Variants in PCDHGA1 observed in about 807,000 individuals in gnomAD.
PCDHGA1 encodes the protein protocadherin gamma subfamily A, 1, also known as protocadherin gamma-A1.
A neutral mutation model predicts 58.0 loss-of-function variants in PCDHGA1; 32 were observed. The ratio of observed to expected loss-of-function variants is 0.55; its 90% confidence interval spans 0.42 to 0.74. PCDHGA1 has a LOEUF of 0.74. PCDHGA1 is among the 30% of genes least tolerant of loss of function. The pLI, the probability that PCDHGA1 is intolerant of heterozygous loss-of-function variation, is 0.00. For synonymous variants in PCDHGA1, 498 were observed against 501.1 expected (o/e 0.99, Z 0.08); for missense variants, 1,205 against 1,182.3 (o/e 1.02, Z -0.28).
At chr5:141,366,029 C>G (rs766110369) in intron 1 of PCDHGA1, 1 of 1,614,260 alleles carries the variant, frequency 6.2e-7, no homozygotes, top group Admixed American at 1.7e-5. Flanking sequence ...GTACCCCGCC[C>G]TCCCCACAGA....
At chr5:141,446,595 GCCTCC>G (rs2098508132) in intron 1 of PCDHGA1, among the ~76,000 whole-genome samples, 2 of 152,012 alleles carry the variant, frequency 1.3e-5, no homozygotes, top group South Asian at 4.1e-4. Context: ...TTCTGCCTCA[GCCTCC>G]TGAGTAGCTG....
At chr5:141,336,336 C>G (rs936631282) in intron 1 of PCDHGA1, among the ~76,000 whole-genome samples, 4 of 152,118 alleles carry the variant, frequency 2.6e-5, no homozygotes, top group Non-Finnish European at 4.4e-5. Flanking sequence ...GGCAGTATAA[C>G]AAGACCCAAT....
chr5:141,417,871 C>T (rs1317007566), intron 1 of PCDHGA1: 1 of 1,554,006 alleles, frequency 6.4e-7, no homozygotes, highest in African/African-American at 1.4e-5. Context: ...TGGGAGGGAG[C>T]TGCGCGCAGA....
chr5:141,470,444 A>G (rs970120314), intron 1 of PCDHGA1, among the ~76,000 whole-genome samples: 8 of 152,222 alleles, frequency 5.3e-5, no homozygotes, highest in African/African-American at 1.9e-4. Context: ...ATAATTTAAT[A>G]GCATCTTGAA....
intron 1 of PCDHGA1, chr5:141,371,069 C>T (rs1417206970): frequency 3.1e-6 from 5 of 1,613,908 alleles, no homozygotes; most frequent in South Asian, 1.1e-5. Context: ...GAAGCTGTAC[C>T]ACCCAGATCA....
intron 1 of PCDHGA1, among the ~76,000 whole-genome samples, chr5:141,464,702 G>T (rs934638404): frequency 1.3e-5 from 2 of 151,942 alleles, no homozygotes; most frequent in African/African-American, 2.4e-5. Context: ...TATGAATGAG[G>T]TTAAATAGTT....
chr5:141,352,325 G>T, intron 1 of PCDHGA1: 13 of 1,614,080 alleles, frequency 8.1e-6, no homozygotes, highest in Non-Finnish European at 1.1e-5. Context: ...GTTTTACCTG[G>T]TTGTGGCCTT....
At chr5:141,355,309 G>C (rs764402775) in intron 1 of PCDHGA1, 1 of 1,613,956 alleles carries the variant, frequency 6.2e-7, no homozygotes, top group Middle Eastern at 1.7e-4. Context: ...CTCGGTGTTT[G>C]AGGAGCAGGA....
intron 1 of PCDHGA1, chr5:141,392,764 C>G: frequency 6.8e-7 from 1 of 1,480,722 alleles, no homozygotes; most frequent in Non-Finnish European, 9.0e-7. Flanking sequence ...CTAAATAAGA[C>G]CCATTTATGC....
At chr5:141,355,098 C>T (rs1561507721) in intron 1 of PCDHGA1, 46 of 1,495,826 alleles carry the variant, frequency 3.1e-5, no homozygotes, top group Non-Finnish European at 4.1e-5. Flanking sequence ...CCTGAGAGCT[C>T]TGGCTGTGAA....
chr5:141,389,284 C>A, intron 1 of PCDHGA1: 1 of 1,614,048 alleles, frequency 6.2e-7, no homozygotes, highest in Non-Finnish European at 8.5e-7. Flanking sequence ...CCGCCTGGAG[C>A]CTCTATTTCA....
At chr5:141,414,458 C>T (rs2095749873) in intron 1 of PCDHGA1, 9 of 1,613,698 alleles carry the variant, frequency 5.6e-6, no homozygotes, top group Non-Finnish European at 6.8e-6. Flanking sequence ...ACAGTGACAG[C>T]CACAGATGGG....
In PCDHGA1 at chr5:141,375,951, C is replaced by T. The variant is rs767101939; in HGVS notation, c.2421+42846C>T. 10 of 1,613,526 alleles carry T rather than the reference C, an allele frequency of 6.2e-6. No individual in the cohort carries two copies. The Admixed American group carries it at 1.5e-4, about 24-fold the overall frequency. ...GGACTTTTCTCAGTGGGCCTGCACA[C>T]GGGCGAGGTGCGCACGGCGCGCGCC... On this transcript the variant is annotated intron_variant, in intron 1 of 3. Transcript: ENST00000517417.
intron 1 of PCDHGA1, chr5:141,410,783 T>C (rs2095423369): frequency 1.1e-6 from 1 of 919,042 alleles, no homozygotes; most frequent in East Asian, 2.7e-5. Flanking sequence ...ACTATGTATT[T>C]GGTTCATAAG....
rs754530973 is a variant in PCDHGA1 at position 141,413,859 on chromosome 5, C to T, written c.2421+80754C>T. 11 of 1,613,248 alleles carry T rather than the reference C, an allele frequency of 6.8e-6. No individual in the cohort carries two copies. The Admixed American group carries it at 1.7e-4, about 24-fold the overall frequency. On this transcript the variant is annotated intron_variant, in intron 1 of 3. Transcript: ENST00000517417. ...ACGGGGGTGACCCTCTCCGATCTGG[C>T]ACTGTCCTTGTCAGTGTGACTGTCT...
chr5:141,389,524 G>A, intron 1 of PCDHGA1: 5 of 1,613,146 alleles, frequency 3.1e-6, no homozygotes, highest in South Asian at 1.1e-5. Context: ...GTGAGCCTGC[G>A]CGTGTTAGTG....
intron 1 of PCDHGA1, among the ~76,000 whole-genome samples, chr5:141,448,871 G>A (rs1326162054): frequency 6.6e-6 from 1 of 152,148 alleles, no homozygotes; most frequent in Non-Finnish European, 1.5e-5. Flanking sequence ...CGTGAACCTG[G>A]GAGGCGGAGC....
chr5:141,492,395 C>G (rs2099740183), intron 1 of PCDHGA1, among the ~76,000 whole-genome samples: 1 of 152,242 alleles, frequency 6.6e-6, no homozygotes, highest in African/African-American at 2.4e-5. Flanking sequence ...GGTCCACTCG[C>G]AGCTCCCCTC....
At chr5:141,383,860 G>T (rs772168555) in intron 1 of PCDHGA1, 11 of 1,613,926 alleles carry the variant, frequency 6.8e-6, no homozygotes, top group Non-Finnish European at 9.3e-6. Flanking sequence ...GGAGGTTCAG[G>T]CTCAAGATGG....
Sources: gnomAD v4.1 joint callset for allele counts (sites outside exome capture counted in the v4.1 genomes callset) on GRCh38, gnomAD v4.1.1 for gene constraint, MANE v1.5 for transcripts, NCBI Gene and HGNC (gene_info 2026-07-23, HGNC 2026-07-21) for gene names.